Variants in BTBD10 observed in about 807,000 individuals in gnomAD.
BTBD10 encodes the protein BTB/POZ domain-containing protein 10.
In BTBD10, 21 loss-of-function variants were observed where a neutral mutation model predicts 53.2. That is an observed-to-expected ratio of 0.39 (90% CI 0.28 to 0.57). The LOEUF is 0.57. Ranked by LOEUF, BTBD10 falls within the 20% of genes least tolerant of loss-of-function variation. The pLI is 0.53. For missense variants in BTBD10, 360 were observed against 594.7 expected (o/e 0.61, Z 4.10); for synonymous variants, 149 against 192.7 (o/e 0.77, Z 1.88).
At chr11:13,391,288 G>A (rs1170490749) in intron 8 of BTBD10, among the ~76,000 whole-genome samples, 1 of 152,080 alleles carries the variant, frequency 6.6e-6, no homozygotes, top group Non-Finnish European at 1.5e-5. Context: ...TACACAAATT[G>A]TTCTGCTGCC....
Position 13,388,659 on chromosome 11 carries a change from T to TA in BTBD10, c.*171_*172insT. On this transcript the variant is annotated 3_prime_UTR_variant, in exon 9 of 9. Coordinates refer to ENST00000278174, the MANE Select transcript of BTBD10 (RefSeq NM_032320.7). ...TTCAAAATGCTAGAGTTGTACTCAT[T>TA]TAAAAAAAAACCATTCAGCTACCTT... is the stretch of plus-strand genomic sequence containing the variant. The TA allele has an allele frequency of 1.5e-6, 1 of 647,508 alleles. No individual in the cohort carries two copies. Among genetic ancestry groups the TA allele is most frequent in the Non-Finnish European group, 2.5e-6 (1 of 394,150 alleles). 40.1% of individuals were successfully genotyped at this position (647,508 alleles called of 1,614,324 possible).
At chr11:13,442,230 A>G (rs1950668194) in intron 2 of BTBD10, among the ~76,000 whole-genome samples, 1 of 152,182 alleles carries the variant, frequency 6.6e-6, no homozygotes, top group Non-Finnish European at 1.5e-5. Context: ...CACAATATTC[A>G]AAAAAGGAAT....
At chr11:13,408,883 A>G (rs1463053664) in intron 6 of BTBD10, among the ~76,000 whole-genome samples, 2 of 152,204 alleles carry the variant, frequency 1.3e-5, no homozygotes, top group Admixed American at 6.5e-5. Context: ...TTTTAACACA[A>G]CAGCCAAAAG....
intron 5 of BTBD10, among the ~76,000 whole-genome samples, chr11:13,416,452 C>T (rs550875106): frequency 3.4e-4 from 51 of 152,070 alleles, no homozygotes; most frequent in Middle Eastern, 3.4e-3. Context: ...TCTAAGTTTC[C>T]ACACTGCTAG....
At chr11:13,434,638 A>G (rs1291207278) in intron 2 of BTBD10, among the ~76,000 whole-genome samples, 1 of 152,224 alleles carries the variant, frequency 6.6e-6, no homozygotes, top group Non-Finnish European at 1.5e-5. Flanking sequence ...TGAAGTGTGA[A>G]TTAAATGACG....
chr11:13,399,340 G>A (rs1297929124), intron 8 of BTBD10, among the ~76,000 whole-genome samples: 3 of 151,926 alleles, frequency 2.0e-5, no homozygotes, highest in Non-Finnish European at 4.4e-5. Flanking sequence ...TGATCGCATC[G>A]GCTACTGAGG....
chr11:13,402,413 T>A (rs989710071), intron 8 of BTBD10, among the ~76,000 whole-genome samples: 1 of 152,220 alleles, frequency 6.6e-6, no homozygotes, highest in African/African-American at 2.4e-5. Context: ...TCATTAATGC[T>A]CTCATTTTAG....
At chr11:13,408,125 A>G (rs1480871818) in intron 6 of BTBD10, among the ~76,000 whole-genome samples, 1 of 152,210 alleles carries the variant, frequency 6.6e-6, no homozygotes, top group Non-Finnish European at 1.5e-5. Context: ...CCACAGAATA[A>G]ATGAGAGTAA....
Position 13,388,144 on chromosome 11 carries a change from ATATC to A in BTBD10, c.*683_*686del, listed in dbSNP as rs1249854964. 1.3e-5 allele frequency: 2 copies of A among 152,648 alleles called. No individual in the cohort carries two copies. Among genetic ancestry groups the A allele is most frequent in the African/African-American group, 4.8e-5 (2 of 41,452 alleles). 9.5% of individuals were successfully genotyped at this position (152,648 alleles called of 1,614,324 possible). On this transcript the variant is annotated 3_prime_UTR_variant, in exon 9 of 9. Transcript: ENST00000278174. ...AGAAAAAAAAAGCATTAGTAAATAA[ATATC>A]TGTGAACAGATTAAGGGTAAGGCAG...
At chr11:13,425,055 C>T (rs1376946929) in intron 2 of BTBD10, among the ~76,000 whole-genome samples, 1 of 152,052 alleles carries the variant, frequency 6.6e-6, no homozygotes, top group Admixed American at 6.5e-5. Flanking sequence ...TCCTTGAGTA[C>T]TGAGCTGGAT....
intron 2 of BTBD10, among the ~76,000 whole-genome samples, chr11:13,422,831 T>C (rs1452882840): frequency 6.6e-6 from 1 of 152,226 alleles, no homozygotes; most frequent in Non-Finnish European, 1.5e-5. Context: ...AACACAATTA[T>C]GTATTAAGTT....
chr11:13,398,118 ATCTG>A (rs1949605298), intron 8 of BTBD10, among the ~76,000 whole-genome samples: 1 of 152,136 alleles, frequency 6.6e-6, no homozygotes, highest in Non-Finnish European at 1.5e-5. Context: ...TGTCTCATTG[ATCTG>A]TCTAATGTTG....
At chr11:13,389,733 T>C (rs962050458) in intron 8 of BTBD10, among the ~76,000 whole-genome samples, 6 of 152,352 alleles carry the variant, frequency 3.9e-5, no homozygotes, top group African/African-American at 1.4e-4. Flanking sequence ...TCTAGCTACG[T>C]ATCCTTATAT....
At chr11:13,393,941 C>G (rs142633407) in intron 8 of BTBD10, among the ~76,000 whole-genome samples, 162 of 152,176 alleles carry the variant, frequency 1.1e-3, no homozygotes, top group African/African-American at 3.5e-3. Flanking sequence ...ATAATGATAG[C>G]TAACCAAATA....
At position 13,388,776 on chromosome 11, in the gene BTBD10, A is replaced by G. The variant is rs1949324883; in HGVS notation, c.*55T>C. 6.5e-7 allele frequency: 1 copy of G among 1,527,820 alleles called. No homozygotes were observed. Among genetic ancestry groups the G allele is most frequent in the Non-Finnish European group, 8.9e-7 (1 of 1,124,524 alleles). 94.6% of individuals were successfully genotyped at this position (1,527,820 alleles called of 1,614,324 possible). A position where few individuals can be genotyped will look rare whatever the true frequency, so the allele number is the denominator to read the frequency against. ...AGTGGCCTTGCAGTGCAGAATGAGGAGAGTACAACGTCACTGTGAAGAGTA... is the reference window on the plus strand; with the variant it reads ...AGTGGCCTTGCAGTGCAGAATGAGGGGAGTACAACGTCACTGTGAAGAGTA... On this transcript the variant is annotated 3_prime_UTR_variant, in exon 9 of 9. Coordinates refer to ENST00000278174, the MANE Select transcript of BTBD10 (RefSeq NM_032320.7).
intron 1 of BTBD10, among the ~76,000 whole-genome samples, chr11:13,461,068 TAAC>T (rs1018959783): frequency 5.3e-5 from 8 of 152,336 alleles, no homozygotes; most frequent in Middle Eastern, 3.4e-3. Context: ...CTATTAAACT[TAAC>T]TACTGTTTTC....
intron 2 of BTBD10, among the ~76,000 whole-genome samples, chr11:13,443,033 T>C (rs1373790780): frequency 6.6e-6 from 1 of 152,134 alleles, no homozygotes; most frequent in African/African-American, 2.4e-5. Context: ...ATTTTCTATT[T>C]TACTTTAATG....
At chr11:13,389,163 A>C in intron 8 of BTBD10, 22 bp from the exon 9 acceptor site, 1 of 1,591,312 alleles carries the variant, frequency 6.3e-7, no homozygotes. Flanking sequence ...AAAGATTTTA[A>C]AAACTGAGGA....
intron 1 of BTBD10, among the ~76,000 whole-genome samples, chr11:13,458,705 G>A (rs945699485): frequency 6.6e-6 from 1 of 152,166 alleles, no homozygotes. Flanking sequence ...TCTTTTAAAA[G>A]AGAAACTCCA....
Sources: gnomAD v4.1 joint callset for allele counts (sites outside exome capture counted in the v4.1 genomes callset) on GRCh38, gnomAD v4.1.1 for gene constraint, MANE v1.5 for transcripts, NCBI Gene and HGNC (gene_info 2026-07-23, HGNC 2026-07-21) for gene names.